The following TENM4 variants were observed in gnomAD, a reference collection of about 807,000 sequenced individuals.
TENM4 encodes the protein teneurin-4.
TENM4 carries 82 observed loss-of-function variants against 243.3 expected under a neutral mutation model. That is an observed-to-expected ratio of 0.34 (90% CI 0.28 to 0.40). The LOEUF (loss-of-function observed/expected upper bound fraction) is 0.40, where lower values mean the gene tolerates loss of function less well. Among genes scored for constraint, TENM4 ranks in the 10% least tolerant of loss-of-function variants. TENM4 has a pLI of 1.00. For missense variants in TENM4, 3,138 were observed against 3,673.3 expected, an observed-to-expected ratio of 0.85 and a Z score of 3.77; for synonymous variants, 1,412 against 1,456.3, an observed-to-expected ratio of 0.97 and a Z score of 0.69.
Position 78,815,888 on chromosome 11 carries a change from C to T in TENM4, c.1682-1493G>A, listed in dbSNP as rs545981048. Among the ~76,000 whole-genome samples, 214 of 152,334 alleles carry T rather than the reference C, an allele frequency of 1.4e-3. 1 individual carries two copies. The highest frequency in any genetic ancestry group is 2.7e-3 in the Non-Finnish European group (183 of 68,028). Reference sequence around the variant, plus strand: ...AGGCAAGACTGCAAGGACTGGAACCCGAGCCTTCGGGCTCCACGCCTGGCC... The same window carrying T: ...AGGCAAGACTGCAAGGACTGGAACCTGAGCCTTCGGGCTCCACGCCTGGCC... On this transcript the variant is annotated intron_variant, in intron 12 of 33. Transcript: ENST00000278550.
At chr11:79,186,842 T>C (rs1050847799) in intron 3 of TENM4, among the ~76,000 whole-genome samples, 1 of 152,246 alleles carries the variant, frequency 6.6e-6, no homozygotes, top group African/African-American at 2.4e-5. Flanking sequence ...GCTTCCAGTG[T>C]ATATTATTAT....
chr11:79,220,265 G>T (rs1012427437), intron 2 of TENM4, among the ~76,000 whole-genome samples: 3 of 152,190 alleles, frequency 2.0e-5, no homozygotes, highest in African/African-American at 7.2e-5. Context: ...AAAATAAAAA[G>T]ATATCCTCAT....
chr11:78,813,370 C>T (rs1857538916), intron 13 of TENM4, among the ~76,000 whole-genome samples: 1 of 152,130 alleles, frequency 6.6e-6, no homozygotes, highest in Non-Finnish European at 1.5e-5. Context: ...ACTGCTCTTC[C>T]CTTCTACTCT....
intron 9 of TENM4, among the ~76,000 whole-genome samples, chr11:78,876,750 A>C (rs1403663282): frequency 6.6e-6 from 1 of 152,214 alleles, no homozygotes; most frequent in Non-Finnish European, 1.5e-5. Flanking sequence ...TGCTCCTCAC[A>C]GCCTGGGACA....
At chr11:79,374,956 C>T (rs1444274309) in intron 1 of TENM4, among the ~76,000 whole-genome samples, 1 of 152,216 alleles carries the variant, frequency 6.6e-6, no homozygotes, top group African/African-American at 2.4e-5. Flanking sequence ...TTCAAAGACT[C>T]TAATGCCACT....
chr11:78,772,342 T>C (rs1856662121), intron 17 of TENM4, among the ~76,000 whole-genome samples: 1 of 152,160 alleles, frequency 6.6e-6, no homozygotes, highest in South Asian at 2.1e-4. Context: ...AGTCCTTATA[T>C]TAACAATCCT....
At chr11:78,828,590 A>C (rs747464094) in intron 12 of TENM4, among the ~76,000 whole-genome samples, 1 of 152,228 alleles carries the variant, frequency 6.6e-6, no homozygotes, top group Non-Finnish European at 1.5e-5. Flanking sequence ...CAACATAATA[A>C]CTTGGGTCTA....
chr11:79,015,553 G>A (rs899236792), intron 6 of TENM4, among the ~76,000 whole-genome samples: 17 of 151,558 alleles, frequency 1.1e-4, no homozygotes, highest in African/African-American at 3.9e-4. Flanking sequence ...CTCCCACAGT[G>A]CAAAACCTAT....
intron 6 of TENM4, among the ~76,000 whole-genome samples, chr11:79,020,093 T>G (rs1367568527): frequency 6.6e-6 from 1 of 152,200 alleles, no homozygotes; most frequent in African/African-American, 2.4e-5. Context: ...CACTTCTTTG[T>G]TAAATAGAAC....
At chr11:79,193,473 G>A (rs1156589796) in intron 3 of TENM4, among the ~76,000 whole-genome samples, 1 of 152,214 alleles carries the variant, frequency 6.6e-6, no homozygotes, top group Non-Finnish European at 1.5e-5. Flanking sequence ...GCATTGGACT[G>A]AGAATCAGGA....
intron 6 of TENM4, among the ~76,000 whole-genome samples, chr11:78,935,620 C>T (rs1397340198): frequency 6.6e-6 from 1 of 152,150 alleles, no homozygotes; most frequent in Non-Finnish European, 1.5e-5. Flanking sequence ...AGGAAGCTGT[C>T]TGGGCCACAG....
chr11:78,887,849 T>C (rs1231017688), intron 9 of TENM4, among the ~76,000 whole-genome samples: 1 of 152,242 alleles, frequency 6.6e-6, no homozygotes, highest in African/African-American at 2.4e-5. Flanking sequence ...TTAGGCTATA[T>C]GATATAAACC....
chr11:78,655,581 G>A lies in TENM4; in HGVS notation c.*2477C>T, dbSNP rs1857870789. On this transcript the variant is annotated 3_prime_UTR_variant, in exon 34 of 34. Coordinates refer to ENST00000278550, the MANE Select transcript of TENM4 (RefSeq NM_001098816.3). ...ATAATTCTGTTTTTGATCCCTAAAAGTCCACCCTATTCCTTTGGGGAGGGG... is the reference window on the plus strand; with the variant it reads ...ATAATTCTGTTTTTGATCCCTAAAAATCCACCCTATTCCTTTGGGGAGGGG... 1 of 152,052 alleles carries A rather than the reference G, an allele frequency of 6.6e-6. No homozygotes were observed. The highest frequency in any genetic ancestry group is 2.4e-5 in the African/African-American group (1 of 41,358). The allele number at this position is 152,052 out of a possible 1,614,324, so 9.4% of individuals were successfully genotyped here.
At chr11:78,925,601 C>A (rs1393248449) in intron 6 of TENM4, among the ~76,000 whole-genome samples, 1 of 151,038 alleles carries the variant, frequency 6.6e-6, no homozygotes, top group African/African-American at 2.4e-5. Context: ...GATGCTTTCA[C>A]ACACTCCTCC....
At chr11:79,289,457 C>T (rs1322959991) in intron 2 of TENM4, among the ~76,000 whole-genome samples, 2 of 152,238 alleles carry the variant, frequency 1.3e-5, no homozygotes, top group East Asian at 1.9e-4. Flanking sequence ...AGAGCTGTCA[C>T]CTGTGGGCAG....
chr11:79,167,345 T>G (rs187710111), intron 3 of TENM4, among the ~76,000 whole-genome samples: 6 of 152,200 alleles, frequency 3.9e-5, no homozygotes, highest in African/African-American at 7.2e-5. Context: ...GGGTCTGAGG[T>G]AGGACAGAGA....
At chr11:78,789,059 G>C (rs1856999003) in intron 15 of TENM4, among the ~76,000 whole-genome samples, 1 of 152,106 alleles carries the variant, frequency 6.6e-6, no homozygotes, top group Non-Finnish European at 1.5e-5. Context: ...CTTATCATCA[G>C]ACTAGGAACC....
chr11:79,332,163 T>C (rs185077488), intron 1 of TENM4, among the ~76,000 whole-genome samples: 6 of 152,296 alleles, frequency 3.9e-5, no homozygotes, highest in Middle Eastern at 6.8e-3. Flanking sequence ...AGTTACCAGC[T>C]AGAAAGCAGC....
At chr11:78,767,674 CTG>C (rs1295354945) in intron 18 of TENM4, among the ~76,000 whole-genome samples, 2 of 152,188 alleles carry the variant, frequency 1.3e-5, no homozygotes, top group Admixed American at 1.3e-4. Flanking sequence ...ACATTAAACT[CTG>C]TTAATTTCTT....
Sources: allele counts gnomAD v4.1 joint callset (sites outside exome capture counted in the v4.1 genomes callset), GRCh38; gene constraint gnomAD v4.1.1; transcripts MANE v1.5; gene names NCBI Gene and HGNC (gene_info 2026-07-23, HGNC 2026-07-21).